EPB41: variants seen among roughly 807,000 people sequenced by gnomAD.
The protein encoded by EPB41 is protein 4.1.
In EPB41, 65 loss-of-function variants were observed where a neutral mutation model predicts 108.0. The ratio of observed to expected loss-of-function variants is 0.60; its 90% CI spans 0.49 to 0.74. EPB41 has a LOEUF of 0.74. Ranked by LOEUF, EPB41 falls within the 30% of genes least tolerant of loss-of-function variation. The pLI, the probability that EPB41 is intolerant of heterozygous loss-of-function variation, is 0.00. For missense variants in EPB41, 875 were observed against 1,037.0 expected, an observed-to-expected ratio of 0.84 and a Z score of 2.15; for synonymous variants, 336 against 358.9, an observed-to-expected ratio of 0.94 and a Z score of 0.72.
chr1:29,112,480 G>A, intron 19 of EPB41, 32 bp downstream of exon 19: 1 of 1,579,812 alleles, frequency 6.3e-7, no homozygotes. Context: ...GGGCCTGGGA[G>A]GGGTCCCTGG....
intron 1 of EPB41, among the ~76,000 whole-genome samples, chr1:28,961,602 C>T (rs1237281806): frequency 6.6e-6 from 1 of 152,196 alleles, no homozygotes; most frequent in Non-Finnish European, 1.5e-5. Flanking sequence ...CTTCTCTCTA[C>T]TTGAACAATG....
At chr1:28,982,813 T>C (rs1412409046) in intron 1 of EPB41, among the ~76,000 whole-genome samples, 6 of 152,208 alleles carry the variant, frequency 3.9e-5, no homozygotes, top group Admixed American at 2.6e-4. Context: ...AAAATATGTA[T>C]GTTGTTTTTG....
chr1:28,944,534 GTTTT>G (rs55849161), intron 1 of EPB41, among the ~76,000 whole-genome samples: 2 of 97,398 alleles, frequency 2.1e-5, no homozygotes, highest in Non-Finnish European at 4.0e-5. Flanking sequence ...CTCAGATCTG[GTTTT>G]TTTTTTTTTT....
At chr1:29,079,612 T>C (rs1464378702) in intron 16 of EPB41, among the ~76,000 whole-genome samples, 2 of 152,090 alleles carry the variant, frequency 1.3e-5, no homozygotes, top group East Asian at 1.9e-4. Context: ...AGTTTCACCA[T>C]GTTGGCCAGG....
At chr1:29,015,160 T>C (rs909509482) in intron 5 of EPB41, among the ~76,000 whole-genome samples, 1 of 152,162 alleles carries the variant, frequency 6.6e-6, no homozygotes, top group African/African-American at 2.4e-5. Context: ...AAAAATGAGA[T>C]CCTCTAGCAC....
At chr1:29,063,246 T>A (rs1339698619) in intron 15 of EPB41, among the ~76,000 whole-genome samples, 1 of 152,220 alleles carries the variant, frequency 6.6e-6, no homozygotes, top group Non-Finnish European at 1.5e-5. Flanking sequence ...CTTTTCTTGC[T>A]TTCAGCCAGA....
rs371819220 is a variant in EPB41, at chr1:29,112,332, C to T, written c.2416-36C>T. ...TCTTTTTTTTTAATTCTTGTTATATCGCTGATCTCATATGACATCTTCTCT... is the reference window on the plus strand; with the variant it reads ...TCTTTTTTTTTAATTCTTGTTATATTGCTGATCTCATATGACATCTTCTCT... On this transcript the variant is annotated intron_variant, in intron 18 of 20. Coordinates refer to ENST00000343067, the MANE Select transcript of EPB41 (RefSeq NM_001376013.1). 6.9e-4 allele frequency: 1,036 copies of T among 1,508,360 alleles called. 1 individual carries two copies. The highest frequency in any genetic ancestry group is 8.8e-4 in the Non-Finnish European group (962 of 1,087,430). 93.4% of individuals were successfully genotyped at this position (1,508,360 alleles called of 1,614,324 possible).
intron 1 of EPB41, among the ~76,000 whole-genome samples, chr1:28,936,538 A>G (rs971363537): frequency 3.9e-5 from 6 of 152,198 alleles, no homozygotes; most frequent in South Asian, 4.1e-4. Context: ...AACCCCTTAC[A>G]TGTTAGCAGT....
At chr1:28,946,935 G>A (rs1181969007) in intron 1 of EPB41, among the ~76,000 whole-genome samples, 2 of 152,178 alleles carry the variant, frequency 1.3e-5, no homozygotes, top group Non-Finnish European at 2.9e-5. Context: ...GAGAGAGGGA[G>A]AGAAACCTAC....
intron 1 of EPB41, among the ~76,000 whole-genome samples, chr1:28,915,194 G>C (rs1054537808): frequency 6.6e-6 from 1 of 152,190 alleles, no homozygotes; most frequent in African/African-American, 2.4e-5. Flanking sequence ...AGGGAGCTGG[G>C]CTGTCTGCAG....
chr1:28,923,498 A>G (rs182420600), intron 1 of EPB41, among the ~76,000 whole-genome samples: 1 of 152,276 alleles, frequency 6.6e-6, no homozygotes, highest in East Asian at 1.9e-4. Context: ...CTGATCTTTT[A>G]TTAAGTGCCA....
At chr1:29,032,115 A>T (rs1421429383) in intron 8 of EPB41, among the ~76,000 whole-genome samples, 8 of 151,250 alleles carry the variant, frequency 5.3e-5, no homozygotes, top group Non-Finnish European at 1.0e-4. Context: ...AAAAAAAAAA[A>T]GAAAAAAGTT....
intron 1 of EPB41, among the ~76,000 whole-genome samples, chr1:28,917,500 C>T (rs1164813422): frequency 3.3e-5 from 5 of 151,960 alleles, no homozygotes; most frequent in Non-Finnish European, 5.9e-5. Flanking sequence ...AGTATGGTCT[C>T]GATTTCTTGA....
intron 1 of EPB41, among the ~76,000 whole-genome samples, chr1:28,904,672 T>G (rs1027796673): frequency 4.7e-5 from 7 of 148,546 alleles, no homozygotes; most frequent in African/African-American, 1.7e-4. Flanking sequence ...CGGAGGCGGG[T>G]GGATTACCTG....
At chr1:29,037,768 A>G (rs935423842) in intron 10 of EPB41, among the ~76,000 whole-genome samples, 4 of 151,864 alleles carry the variant, frequency 2.6e-5, no homozygotes, top group South Asian at 2.1e-4. Flanking sequence ...AACTCCTGAC[A>G]AGTGATCCAC....
At chr1:29,066,414 G>T (rs546151035) in intron 16 of EPB41, among the ~76,000 whole-genome samples, 3 of 151,558 alleles carry the variant, frequency 2.0e-5, no homozygotes, top group Middle Eastern at 3.4e-3. Context: ...GTGAGACTCC[G>T]TCTCAAAAAA....
At chr1:29,050,287 C>T (rs1573102064) in intron 11 of EPB41, among the ~76,000 whole-genome samples, 2 of 152,328 alleles carry the variant, frequency 1.3e-5, no homozygotes, top group East Asian at 3.9e-4. Flanking sequence ...TTCTTTTCCA[C>T]ATACAGTACA....
intron 11 of EPB41, among the ~76,000 whole-genome samples, chr1:29,046,087 A>T (rs923986251): frequency 1.3e-5 from 2 of 151,984 alleles, no homozygotes; most frequent in African/African-American, 2.4e-5. Flanking sequence ...GTTTGACCTT[A>T]TACTCAGTAA....
intron 16 of EPB41, chr1:29,071,499 G>C (rs898236495): frequency 6.6e-6 from 1 of 152,140 alleles, no homozygotes; most frequent in African/African-American, 2.4e-5. Flanking sequence ...GCAATAGTTA[G>C]CCATTGCTAA....
Sources: gnomAD v4.1 joint callset for allele counts (sites outside exome capture counted in the v4.1 genomes callset) on GRCh38, gnomAD v4.1.1 for gene constraint, MANE v1.5 for transcripts, NCBI Gene and HGNC (gene_info 2026-07-23, HGNC 2026-07-21) for gene names.